NUP88: variants seen among roughly 807,000 people sequenced by gnomAD.
NUP88 encodes nucleoporin 88.
A neutral mutation model predicts 93.9 loss-of-function variants in NUP88; 57 were observed. The observed-to-expected ratio is 0.61, with a 90% CI of 0.49 to 0.76. The LOEUF (loss-of-function observed/expected upper bound fraction) is 0.76. Ranked by LOEUF, NUP88 falls within the 30% of genes least tolerant of loss-of-function variation. NUP88 has a pLI of 0.00. For missense variants in NUP88, 911 were observed against 901.0 expected, an observed-to-expected ratio of 1.01 and a Z score of -0.14; for synonymous variants, 346 against 336.8, an observed-to-expected ratio of 1.03 and a Z score of -0.30.
chr17:5,413,625 C>G (rs1435273992), intron 3 of NUP88, among the ~76,000 whole-genome samples: 2 of 152,088 alleles, frequency 1.3e-5, no homozygotes, highest in Non-Finnish European at 2.9e-5. Context: ...GCCCCCCAAC[C>G]CCTAAAAAGC....
intron 7 of NUP88, among the ~76,000 whole-genome samples, chr17:5,402,643 A>T (rs1169919257): frequency 6.6e-6 from 1 of 152,192 alleles, no homozygotes; most frequent in Non-Finnish European, 1.5e-5. Flanking sequence ...TAAGGAGAGT[A>T]GGTCAAACTG....
intron 11 of NUP88, chr17:5,388,542 T>C (rs12602827): frequency 0.43 from 127,744 of 293,736 alleles, 30,032 homozygotes; most frequent in East Asian, 0.84. Context: ...CCCGTCTTGG[T>C]CTCCCAAAGT....
intron 4 of NUP88, 81 bp from the exon 5 acceptor site, chr17:5,408,990 C>G: frequency 8.0e-7 from 1 of 1,247,980 alleles, no homozygotes; most frequent in South Asian, 1.6e-5. Flanking sequence ...AACAAAAACA[C>G]AAAATGTCTA....
At chr17:5,399,689 G>T in intron 7 of NUP88, 39 bp from the exon 8 acceptor site, 2 of 1,141,246 alleles carry the variant, frequency 1.8e-6, no homozygotes, top group South Asian at 1.4e-5. Context: ...GGTAGCCAGT[G>T]GATAACTAAA....
At chr17:5,407,512 T>A (rs1210534426) in intron 5 of NUP88, among the ~76,000 whole-genome samples, 1 of 152,210 alleles carries the variant, frequency 6.6e-6, no homozygotes, top group Admixed American at 6.5e-5. Context: ...GCGAATAAAC[T>A]CTAATGCTCA....
chr17:5,403,525 G>A (rs1278146943), intron 7 of NUP88, among the ~76,000 whole-genome samples: 1 of 151,994 alleles, frequency 6.6e-6, no homozygotes, highest in Non-Finnish European at 1.5e-5. Context: ...GCCAGGCATG[G>A]TGGTGGGTAC....
At chr17:5,410,893 C>A in intron 3 of NUP88, 104 bp from the exon 4 acceptor site, 1 of 719,778 alleles carries the variant, frequency 1.4e-6, no homozygotes, top group South Asian at 1.7e-5. Context: ...TTTTCTAACA[C>A]TTATCACAAC....
At chr17:5,386,308 T>TA in intron 16 of NUP88, 39 bp from the exon 17 acceptor site, 4 of 1,438,028 alleles carry the variant, frequency 2.8e-6, no homozygotes, top group Non-Finnish European at 3.9e-6. Flanking sequence ...GGAATTATAA[T>TA]AAACCATTTA....
intron 7 of NUP88, among the ~76,000 whole-genome samples, chr17:5,401,400 A>G (rs1261356171): frequency 6.6e-6 from 1 of 152,142 alleles, no homozygotes; most frequent in African/African-American, 2.4e-5. Context: ...AACACAAAAT[A>G]ATAATGTTAT....
chr17:5,409,734 TATC>T (rs1276175601), intron 4 of NUP88, among the ~76,000 whole-genome samples: 1 of 151,940 alleles, frequency 6.6e-6, no homozygotes, highest in African/African-American at 2.4e-5. Flanking sequence ...ACTCAGAAAA[TATC>T]ATGAAAAATA....
chr17:5,389,022 C>G (rs1912240981), intron 10 of NUP88, 62 bp from the exon 11 acceptor site: 1 of 1,215,650 alleles, frequency 8.2e-7, no homozygotes, highest in African/African-American at 1.5e-5. Context: ...TACAGGAAAG[C>G]AGAAACCACA....
chr17:5,404,938 A>C, intron 6 of NUP88, 119 bp downstream of exon 6: 1 of 943,606 alleles, frequency 1.1e-6, no homozygotes, highest in East Asian at 2.7e-5. Context: ...TTTAATTTCC[A>C]AAATATCAGA....
chr17:5,390,887 G>A (rs1440785378), intron 10 of NUP88, among the ~76,000 whole-genome samples: 1 of 151,966 alleles, frequency 6.6e-6, no homozygotes, highest in Admixed American at 6.6e-5. Flanking sequence ...TAGAGATGGG[G>A]GTCTCACTGT....
chr17:5,403,273 C>T (rs1003034927), intron 7 of NUP88, among the ~76,000 whole-genome samples: 13 of 151,754 alleles, frequency 8.6e-5, no homozygotes, highest in Admixed American at 3.3e-4. Context: ...GTCAGGAGTT[C>T]GATACCAGCC....
rs1050976225 is a variant in NUP88, at chr17:5,391,646, G to A, written c.1399C>T (p.Arg467Ter). The A allele has an allele frequency of 2.0e-5, 32 of 1,613,638 alleles. No homozygotes were observed. Among genetic ancestry groups the A allele is most frequent in the Non-Finnish European group, 2.6e-5 (31 of 1,179,730 alleles). Reference protein sequence around the residue: ...PLPCRQPAPIRGFWIVPDILG... With the variant: ...PLPCRQPAPI ...ATGTCAGGTACAATCCAAAATCCTCGAATTGGAGCTGGCTGCCTGGAAAAA... is the reference window on the plus strand; with the variant it reads ...ATGTCAGGTACAATCCAAAATCCTCAAATTGGAGCTGGCTGCCTGGAAAAA... Residue 467 changes from arginine to a stop codon, truncating the protein, a stop_gained, in exon 10 of 17, where the codon CGA becomes TGA. Coordinates refer to ENST00000573584, the MANE Select transcript of NUP88 (RefSeq NM_002532.6). LOFTEE classifies it high-confidence loss of function.
At position 5,385,043 on chromosome 17, in the gene NUP88, A is replaced by G. The variant is rs540276720; in HGVS notation, c.*1163T>C. On this transcript the variant is annotated 3_prime_UTR_variant, in exon 17 of 17. Coordinates refer to ENST00000573584, the MANE Select transcript of NUP88 (RefSeq NM_002532.6). ...TCTGCTGAGACTGAGCACCTTACAG[A>G]TATTTTTCTCCAGAAGATGGTGCTG... The G allele has an allele frequency of 4.4e-6, 1 of 228,810 alleles. No homozygotes were observed. Among genetic ancestry groups the G allele is most frequent in the East Asian group, 6.3e-5 (1 of 15,874 alleles). The allele number at this position is 228,810 out of a possible 1,614,324, so 14.2% of individuals were successfully genotyped here.
chr17:5,385,919 A>C lies in NUP88; in HGVS notation c.*287T>G. 1 of 353,284 alleles carries C rather than the reference A, an allele frequency of 2.8e-6. No individual in the cohort carries two copies. Among genetic ancestry groups the C allele is most frequent in the Non-Finnish European group, 5.1e-6 (1 of 197,970 alleles). The allele number at this position is 353,284 out of a possible 1,614,324, so 21.9% of individuals were successfully genotyped here. On this transcript the variant is annotated 3_prime_UTR_variant, in exon 17 of 17. Coordinates refer to ENST00000573584, the MANE Select transcript of NUP88 (RefSeq NM_002532.6). ...CTCACAAGAATAACTAACTTGCTCA[A>C]ATATGGAGAAAACTCAATAGGGTTC...
chr17:5,404,068 A>G, intron 7 of NUP88, 31 bp downstream of exon 7: 1 of 1,603,656 alleles, frequency 6.2e-7, no homozygotes. Context: ...AAATCATGGG[A>G]AAAAAGCACT....
intron 5 of NUP88, among the ~76,000 whole-genome samples, chr17:5,407,974 C>T (rs1913595277): frequency 6.6e-6 from 1 of 151,936 alleles, no homozygotes; most frequent in Admixed American, 6.6e-5. Flanking sequence ...CCATCACTGG[C>T]TTCCTACTAC....
Sources: gnomAD v4.1 joint callset for allele counts (sites outside exome capture counted in the v4.1 genomes callset) on GRCh38, gnomAD v4.1.1 for gene constraint, MANE v1.5 for transcripts, NCBI Gene and HGNC (gene_info 2026-07-23, HGNC 2026-07-21) for gene names.